The following PCLO variants were observed in gnomAD, a reference collection of about 807,000 sequenced individuals.
The protein encoded by PCLO is piccolo presynaptic cytomatrix protein.
A neutral mutation model predicts 427.5 loss-of-function variants in PCLO; 82 were observed. The ratio of observed to expected loss-of-function variants is 0.19; its 90% CI spans 0.16 to 0.23. The LOEUF (loss-of-function observed/expected upper bound fraction) is 0.23. Among genes scored for constraint, PCLO ranks in the 10% least tolerant of loss-of-function variants. The probability of loss-of-function intolerance (pLI) is 1.00; values close to 1 mark genes in which losing one functional copy is unlikely to be tolerated. For missense variants in PCLO, 6,239 were observed against 6,115.9 expected, an observed-to-expected ratio of 1.02 and a Z score of -0.67; for synonymous variants, 2,357 against 2,155.4, an observed-to-expected ratio of 1.09 and a Z score of -2.59.
chr7:83,057,342 ATATATATTTTTTTTTTTT>A (rs1337446535), intron 3 of PCLO, among the ~76,000 whole-genome samples: 2 of 23,652 alleles, frequency 8.5e-5, no homozygotes, highest in African/African-American at 3.6e-4. Flanking sequence ...ATATATATAT[ATATATATTTTTTTTTTTT>A]TTTTTTTTTT....
chr7:82,822,375 A>T, intron 20 of PCLO, 120 bp downstream of exon 20: 2 of 1,584,152 alleles, frequency 1.3e-6, no homozygotes, highest in Non-Finnish European at 1.7e-6. Flanking sequence ...ACAAAGGGAC[A>T]GAGAACAGGG....
chr7:82,987,217 T>C (rs926091959), intron 3 of PCLO, among the ~76,000 whole-genome samples: 1 of 151,980 alleles, frequency 6.6e-6, no homozygotes, highest in African/African-American at 2.4e-5. Flanking sequence ...TACTGTGGCA[T>C]AGATAAGACA....
chr7:83,131,334 C>T (rs1791566791), intron 3 of PCLO, among the ~76,000 whole-genome samples: 1 of 152,100 alleles, frequency 6.6e-6, no homozygotes, highest in Admixed American at 6.5e-5. Flanking sequence ...CGTTGGCACT[C>T]CTCAGGTACA....
At chr7:82,776,800 TTCTC>T (rs887420352) in intron 22 of PCLO, among the ~76,000 whole-genome samples, 1 of 142,712 alleles carries the variant, frequency 7.0e-6, no homozygotes, top group Non-Finnish European at 1.5e-5. Flanking sequence ...ATCTCTCTCT[TTCTC>T]TCTCTCTTTC....
At chr7:82,789,190 C>T (rs1040388215) in intron 22 of PCLO, among the ~76,000 whole-genome samples, 6 of 152,110 alleles carry the variant, frequency 3.9e-5, no homozygotes, top group Non-Finnish European at 8.8e-5. Flanking sequence ...TCTGAAAATA[C>T]ATAATATTCA....
intron 3 of PCLO, among the ~76,000 whole-genome samples, chr7:83,082,036 G>T (rs67672912): frequency 6.6e-6 from 1 of 151,250 alleles, no homozygotes; most frequent in Non-Finnish European, 1.5e-5. Context: ...AAAGATATTA[G>T]ATGAAATGAT....
At chr7:82,957,055 C>G (rs1795543254) in intron 4 of PCLO, 120 bp from the exon 5 acceptor site, 2 of 1,060,436 alleles carry the variant, frequency 1.9e-6, no homozygotes, top group Non-Finnish European at 1.3e-6. Flanking sequence ...TTTTTTCAAC[C>G]ATATCTCAGT....
chr7:82,777,207 G>A (rs1000673536), intron 22 of PCLO, among the ~76,000 whole-genome samples: 4 of 152,014 alleles, frequency 2.6e-5, no homozygotes, highest in Admixed American at 6.6e-5. Context: ...GGAGGTGAAA[G>A]CTATCTACAA....
intron 3 of PCLO, among the ~76,000 whole-genome samples, chr7:83,054,040 A>G (rs1332642218): frequency 6.6e-6 from 1 of 152,016 alleles, no homozygotes; most frequent in East Asian, 1.9e-4. Flanking sequence ...AAAAAGCACC[A>G]AATAGCCAGA....
At chr7:83,118,188 A>C (rs538275114) in intron 3 of PCLO, among the ~76,000 whole-genome samples, 1 of 152,312 alleles carries the variant, frequency 6.6e-6, no homozygotes, top group Non-Finnish European at 1.5e-5. Context: ...TGAAAAAATA[A>C]AACTACAGAT....
chr7:82,952,365 G>A lies in PCLO; in HGVS notation c.8588C>T (p.Ala2863Val), dbSNP rs1435891983. 1.2e-6 allele frequency: 2 copies of A among 1,613,698 alleles called. No individual in the cohort carries two copies. The highest frequency in any genetic ancestry group is 1.7e-6 in the Non-Finnish European group (2 of 1,179,740). ...INLSLGTPAH[A>V]VTLAITKPVT... ...AGGTTTTGTAATAGCCAATGTCACTGCATGTGCTGGAGTACCTAGAGATAA... is the reference window on the plus strand; with the variant it reads ...AGGTTTTGTAATAGCCAATGTCACTACATGTGCTGGAGTACCTAGAGATAA... Residue 2863 changes from alanine to valine, a missense_variant, in exon 5 of 25, where the codon GCA becomes GTA. By Grantham distance (64) the Ala-to-Val change is moderately conservative. This residue lies in a region of PCLO where 4,677 missense variants were observed against 4,468.4 expected (regional missense o/e 1.05). Transcript: ENST00000333891.
chr7:83,026,400 G>A (rs1476426704), intron 3 of PCLO, among the ~76,000 whole-genome samples: 4 of 152,088 alleles, frequency 2.6e-5, no homozygotes, highest in Admixed American at 1.3e-4. Flanking sequence ...AACAAGAAGA[G>A]CTAACTATCC....
chr7:82,765,359 A>G (rs901585531), intron 22 of PCLO, among the ~76,000 whole-genome samples: 7 of 151,934 alleles, frequency 4.6e-5, no homozygotes, highest in Non-Finnish European at 1.0e-4. Flanking sequence ...ACAACAAAAT[A>G]AAATAAAAGT....
At chr7:82,962,947 T>C (rs1431640899) in intron 4 of PCLO, among the ~76,000 whole-genome samples, 1 of 151,972 alleles carries the variant, frequency 6.6e-6, no homozygotes, top group Admixed American at 6.6e-5. Context: ...TATTTACTGT[T>C]TACCTCATGG....
chr7:82,967,249 C>T (rs11978774), intron 3 of PCLO, among the ~76,000 whole-genome samples: 4,200 of 144,428 alleles, frequency 0.029, 219 homozygotes, highest in African/African-American at 0.1. Context: ...GATCTCGGCT[C>T]GCTGCAACCT....
At chr7:83,048,578 C>G (rs923784514) in intron 3 of PCLO, among the ~76,000 whole-genome samples, 1 of 152,138 alleles carries the variant, frequency 6.6e-6, no homozygotes, top group African/African-American at 2.4e-5. Flanking sequence ...CCCAACTCCA[C>G]ACTAATACTG....
intron 3 of PCLO, among the ~76,000 whole-genome samples, chr7:83,082,705 C>A (rs891311382): frequency 5.3e-5 from 8 of 151,408 alleles, no homozygotes; most frequent in African/African-American, 1.7e-4. Flanking sequence ...CTAATTACTC[C>A]GATTTGATCA....
intron 2 of PCLO, among the ~76,000 whole-genome samples, chr7:83,142,045 G>A (rs1220594878): frequency 5.4e-5 from 8 of 148,570 alleles, no homozygotes; most frequent in Non-Finnish European, 1.2e-4. Context: ...CCCTCCCCCC[G>A]ACACACACAC....
Position 82,754,121 on chromosome 7 carries a change from T to A in PCLO, c.*4454A>T, listed in dbSNP as rs1202872760. Reference sequence around the variant, plus strand: ...ATACAATCACAAAACCAAGACATATTTTTACATAGAGTAAAACTCAAGACG... The same window carrying A: ...ATACAATCACAAAACCAAGACATATATTTACATAGAGTAAAACTCAAGACG... On this transcript the variant is annotated 3_prime_UTR_variant, in exon 25 of 25. Coordinates refer to ENST00000333891, the MANE Select transcript of PCLO (RefSeq NM_033026.6). The A allele has an allele frequency of 6.6e-6, 1 of 152,138 alleles. No homozygotes were observed. Among genetic ancestry groups the A allele is most frequent in the African/African-American group, 2.4e-5 (1 of 41,436 alleles). The allele number at this position is 152,138 out of a possible 1,614,324, so 9.4% of individuals were successfully genotyped here.
Sources: allele counts gnomAD v4.1 joint callset (sites outside exome capture counted in the v4.1 genomes callset), GRCh38; gene constraint gnomAD v4.1.1; regional missense constraint gnomAD v4.1.1; transcripts MANE v1.5; gene names NCBI Gene and HGNC (gene_info 2026-07-23, HGNC 2026-07-21).